The following NRG1 variants were observed in gnomAD, a reference collection of about 807,000 sequenced individuals.
The protein encoded by NRG1 is neuregulin 1, also known as pro-neuregulin-1, membrane-bound isoform.
Under a neutral mutation model 63.8 loss-of-function variants are expected in NRG1, and 18 were observed. That is an observed-to-expected ratio of 0.28 (90% CI 0.19 to 0.42). The LOEUF is 0.42. NRG1 is among the 10% of genes least tolerant of loss of function. The pLI is 1.00. For synonymous variants in NRG1, 302 were observed against 301.3 expected, an observed-to-expected ratio of 1.00 and a Z score of -0.02; for missense variants, 762 against 814.7, an observed-to-expected ratio of 0.94 and a Z score of 0.79.
chr8:32,469,608 T>C (rs1165804574), intron 1 of NRG1, among the ~76,000 whole-genome samples: 1 of 152,112 alleles, frequency 6.6e-6, no homozygotes, highest in African/African-American at 2.4e-5. Context: ...ATAGAGACAA[T>C]CATTATAAAG....
intron 1 of NRG1, among the ~76,000 whole-genome samples, chr8:32,082,462 T>C (rs141148450): frequency 7.9e-5 from 12 of 152,218 alleles, no homozygotes; most frequent in African/African-American, 2.9e-4. Context: ...AGTGAGAACA[T>C]GTAGTATTTG....
Position 32,299,864 on chromosome 8 carries a change from G to A in NRG1, c.38-295964G>A, listed in dbSNP as rs530206994. ...TTCCACTGGGTCCCTCCTGTGACAC[G>A]TGTGGATTATGGGAGCTGGAATTAG... On this transcript the variant is annotated intron_variant, in intron 1 of 10. Transcript: ENST00000519301. Among the ~76,000 whole-genome samples, 6 of 152,264 alleles carry A rather than the reference G, an allele frequency of 3.9e-5. No homozygotes were observed. The South Asian group carries it at 1.0e-3, about 26-fold the overall frequency.
intron 1 of NRG1, among the ~76,000 whole-genome samples, chr8:32,454,669 AG>A (rs1187725901): frequency 2.0e-5 from 3 of 146,796 alleles, no homozygotes; most frequent in Non-Finnish European, 4.4e-5. Context: ...CTGAGATTAC[AG>A]GCATGAGCCA....
chr8:32,371,544 A>G (rs753638507), intron 1 of NRG1, among the ~76,000 whole-genome samples: 1 of 152,210 alleles, frequency 6.6e-6, no homozygotes, highest in Non-Finnish European at 1.5e-5. Flanking sequence ...ACCCCACTGC[A>G]TTTCTCAACT....
intron 1 of NRG1, among the ~76,000 whole-genome samples, chr8:32,415,430 A>G (rs952505198): frequency 1.2e-4 from 18 of 152,034 alleles, no homozygotes; most frequent in African/African-American, 4.3e-4. Flanking sequence ...TTGCAAAAAA[A>G]AAAAATGCGG....
At chr8:32,496,384 C>T (rs116076362) in intron 1 of NRG1, among the ~76,000 whole-genome samples, 1,926 of 152,148 alleles carry the variant, frequency 0.013, 43 homozygotes, top group African/African-American at 0.044. Flanking sequence ...GAGCTGAAAA[C>T]CAGCCTGGGC....
At chr8:32,276,921 T>C (rs1429520434) in intron 1 of NRG1, among the ~76,000 whole-genome samples, 1 of 152,288 alleles carries the variant, frequency 6.6e-6, no homozygotes, top group East Asian at 1.9e-4. Context: ...TTCAAGTGAA[T>C]GTGAGGATCA....
chr8:32,694,637 G>A (rs1157677382), intron 5 of NRG1, among the ~76,000 whole-genome samples: 1 of 152,208 alleles, frequency 6.6e-6, no homozygotes, highest in Non-Finnish European at 1.5e-5. Flanking sequence ...ATTAGGTCAT[G>A]TCTAAAAGAT....
chr8:32,730,860 T>C (rs1401466167), intron 6 of NRG1, among the ~76,000 whole-genome samples: 2 of 152,230 alleles, frequency 1.3e-5, no homozygotes, highest in Non-Finnish European at 2.9e-5. Flanking sequence ...AGTGTAATTG[T>C]ATTTTAATAA....
chr8:31,926,229 A>G (rs934737743), intron 1 of NRG1, among the ~76,000 whole-genome samples: 5 of 152,208 alleles, frequency 3.3e-5, no homozygotes, highest in South Asian at 4.1e-4. Context: ...GTCTCAAATG[A>G]AAGACGGGGC....
At chr8:32,204,382 G>A (rs960842997) in intron 1 of NRG1, among the ~76,000 whole-genome samples, 1 of 152,120 alleles carries the variant, frequency 6.6e-6, no homozygotes, top group African/African-American at 2.4e-5. Flanking sequence ...TGTTTAGTTT[G>A]TGGGTCAGGA....
At chr8:32,035,859 C>T (rs1298204332) in intron 1 of NRG1, among the ~76,000 whole-genome samples, 2 of 152,150 alleles carry the variant, frequency 1.3e-5, no homozygotes, top group Non-Finnish European at 2.9e-5. Flanking sequence ...CTCTTTAATA[C>T]AGCACACTGA....
At chr8:31,973,657 A>G (rs1807673239) in intron 1 of NRG1, among the ~76,000 whole-genome samples, 1 of 152,188 alleles carries the variant, frequency 6.6e-6, no homozygotes, top group Non-Finnish European at 1.5e-5. Flanking sequence ...TTAGCATACA[A>G]TTACTTACAA....
At chr8:32,755,924 T>G (rs1335448602) in intron 8 of NRG1, among the ~76,000 whole-genome samples, 1 of 152,068 alleles carries the variant, frequency 6.6e-6, no homozygotes, top group Non-Finnish European at 1.5e-5. Context: ...GTATTTTTTG[T>G]AGAGACAGGA....
intron 1 of NRG1, among the ~76,000 whole-genome samples, chr8:32,347,232 T>C (rs1350326896): frequency 6.6e-6 from 1 of 152,198 alleles, no homozygotes; most frequent in Admixed American, 6.5e-5. Flanking sequence ...CCCACTATAA[T>C]ATCAAATACT....
intron 1 of NRG1, among the ~76,000 whole-genome samples, chr8:32,390,545 G>C (rs961908182): frequency 6.7e-6 from 1 of 148,546 alleles, no homozygotes; most frequent in Non-Finnish European, 1.5e-5. Context: ...CAAGACTTCA[G>C]TGAGCCGTGA....
chr8:31,914,136 C>G (rs943441966), intron 1 of NRG1, among the ~76,000 whole-genome samples: 3 of 152,160 alleles, frequency 2.0e-5, no homozygotes, highest in Non-Finnish European at 4.4e-5. Flanking sequence ...GATCGTCCTT[C>G]TTAGAAAAGG....
rs1292911795 is a variant in NRG1 at position 32,435,129 on chromosome 8, G to A, written c.38-160699G>A. 2.6e-5 allele frequency among the ~76,000 whole-genome samples: 4 copies of A among 152,064 alleles called. No homozygotes were observed. In the South Asian group the frequency reaches 6.2e-4, roughly 24 times the overall value. On this transcript the variant is annotated intron_variant, in intron 1 of 10. Transcript: ENST00000519301. ...AAATTGGGATAGGTGAAGAAAGATG[G>A]CAGATAGGCACAATGGGAGGCAGAT...
At chr8:32,671,016 G>A (rs2466086) in intron 5 of NRG1, among the ~76,000 whole-genome samples, 147,061 of 152,252 alleles carry the variant, frequency 0.97, 71,248 homozygotes, top group East Asian at 1. Context: ...GTTAGCCCCA[G>A]GAATTGAGGC....
Sources: allele counts gnomAD v4.1 joint callset (sites outside exome capture counted in the v4.1 genomes callset), GRCh38; gene constraint gnomAD v4.1.1; transcripts MANE v1.5; gene names NCBI Gene and HGNC (gene_info 2026-07-23, HGNC 2026-07-21).